The following ZCWPW2 variants were observed in gnomAD, a reference collection of about 807,000 sequenced individuals.
ZCWPW2 encodes the protein zinc finger CW-type and PWWP domain containing 2, also known as zinc finger CW-type PWWP domain protein 2.
ZCWPW2 carries 45 observed loss-of-function variants against 46.6 expected under a neutral mutation model. The observed-to-expected ratio is 0.96, with a 90% CI of 0.76 to 1.24. ZCWPW2 has a LOEUF of 1.24. ZCWPW2 is among the 50% of genes most tolerant of loss of function. The pLI, the probability that ZCWPW2 is intolerant of heterozygous loss-of-function variation, is 0.00. For missense variants in ZCWPW2, 429 were observed against 403.9 expected (o/e 1.06, Z -0.53); for synonymous variants, 152 against 137.1 (o/e 1.11, Z -0.76).
chr3:28,401,927 G>A (rs1695957648), intron 2 of ZCWPW2, among the ~76,000 whole-genome samples: 1 of 151,852 alleles, frequency 6.6e-6, no homozygotes, highest in African/African-American at 2.4e-5. Context: ...CAAAGGCAGT[G>A]CTAAGAGGAA....
intron 5 of ZCWPW2, among the ~76,000 whole-genome samples, chr3:28,488,444 G>T (rs1699682388): frequency 6.6e-6 from 1 of 152,084 alleles, no homozygotes; most frequent in African/African-American, 2.4e-5. Flanking sequence ...AAACTGGACT[G>T]TCCTCTATGT....
intron 1 of ZCWPW2, among the ~76,000 whole-genome samples, chr3:28,366,143 C>T (rs1414156803): frequency 5.9e-4 from 87 of 147,146 alleles, no homozygotes; most frequent in African/African-American, 2.1e-3. Context: ...ATTTCCTTCT[C>T]CTGCCTGATT....
At chr3:28,437,850 A>G (rs896588411) in intron 4 of ZCWPW2, among the ~76,000 whole-genome samples, 1 of 152,208 alleles carries the variant, frequency 6.6e-6, no homozygotes, top group African/African-American at 2.4e-5. Flanking sequence ...TTCTGGGAAG[A>G]TGGTAGAGTA....
At chr3:28,446,683 A>G (rs1181814036) in intron 4 of ZCWPW2, among the ~76,000 whole-genome samples, 1 of 152,114 alleles carries the variant, frequency 6.6e-6, no homozygotes, top group Non-Finnish European at 1.5e-5. Flanking sequence ...AGCAGAGATA[A>G]GATATATAAT....
At chr3:28,456,380 G>A (rs1698423439) in intron 4 of ZCWPW2, among the ~76,000 whole-genome samples, 1 of 152,184 alleles carries the variant, frequency 6.6e-6, no homozygotes, top group Non-Finnish European at 1.5e-5. Context: ...CTTCTGGGCT[G>A]AGATGATGGG....
intron 4 of ZCWPW2, among the ~76,000 whole-genome samples, chr3:28,447,156 A>G (rs1045306820): frequency 6.6e-6 from 1 of 152,134 alleles, no homozygotes; most frequent in Admixed American, 6.6e-5. Flanking sequence ...AACTCATTCT[A>G]TAAGGCCAGC....
chr3:28,430,174 G>A (rs908415582), intron 3 of ZCWPW2, among the ~76,000 whole-genome samples: 7 of 152,228 alleles, frequency 4.6e-5, no homozygotes, highest in African/African-American at 1.7e-4. Flanking sequence ...AAAGCAACTG[G>A]GAGTGGGACT....
intron 6 of ZCWPW2, among the ~76,000 whole-genome samples, chr3:28,492,659 A>C (rs1367849419): frequency 2.6e-5 from 4 of 152,092 alleles, no homozygotes; most frequent in Admixed American, 1.3e-4. Flanking sequence ...GAATTATTAC[A>C]ATTTAATACA....
chr3:28,503,253 A>G (rs915541608), intron 6 of ZCWPW2, among the ~76,000 whole-genome samples: 6 of 152,298 alleles, frequency 3.9e-5, no homozygotes, highest in African/African-American at 1.4e-4. Context: ...TTCCTCAAGT[A>G]CCAGTTATCA....
chr3:28,516,756 T>C (rs1262794276), intron 8 of ZCWPW2, among the ~76,000 whole-genome samples: 1 of 151,870 alleles, frequency 6.6e-6, no homozygotes, highest in Non-Finnish European at 1.5e-5. Flanking sequence ...CCTGTAATCC[T>C]AGCACCTTGG....
chr3:28,509,319 T>G (rs567920454), intron 6 of ZCWPW2, among the ~76,000 whole-genome samples: 1 of 152,300 alleles, frequency 6.6e-6, no homozygotes, highest in East Asian at 1.9e-4. Flanking sequence ...GGGAATATGC[T>G]TCTATTTTTC....
chr3:28,502,916 G>A (rs1229361227), intron 6 of ZCWPW2, among the ~76,000 whole-genome samples: 1 of 152,104 alleles, frequency 6.6e-6, no homozygotes, highest in Non-Finnish European at 1.5e-5. Flanking sequence ...ATCTATCTGT[G>A]ATTTTCTCTA....
chr3:28,448,630 C>T (rs768194777), intron 4 of ZCWPW2, among the ~76,000 whole-genome samples: 2 of 151,080 alleles, frequency 1.3e-5, no homozygotes, highest in Non-Finnish European at 3.0e-5. Context: ...ACTAAAAATA[C>T]AAAAATTAGC....
chr3:28,406,912 C>T (rs1300005220), intron 2 of ZCWPW2, among the ~76,000 whole-genome samples: 7 of 151,308 alleles, frequency 4.6e-5, no homozygotes, highest in Non-Finnish European at 8.8e-5. Context: ...ACTGCAGCTT[C>T]CAACTCCTGA....
At chr3:28,436,598 A>G (rs192253252) in intron 4 of ZCWPW2, among the ~76,000 whole-genome samples, 22 of 152,292 alleles carry the variant, frequency 1.4e-4, no homozygotes, top group African/African-American at 3.8e-4. Context: ...TGGCAAATAT[A>G]TAGTAAAAAC....
intron 5 of ZCWPW2, among the ~76,000 whole-genome samples, chr3:28,488,183 C>G (rs776512807): frequency 6.6e-6 from 1 of 152,124 alleles, no homozygotes; most frequent in Non-Finnish European, 1.5e-5. Context: ...CTTGTTCCCA[C>G]AGAGCTTCTA....
intron 9 of ZCWPW2, among the ~76,000 whole-genome samples, chr3:28,522,478 A>G (rs1700749067): frequency 6.6e-6 from 1 of 152,192 alleles, no homozygotes; most frequent in Admixed American, 6.5e-5. Context: ...ATGGATTTAT[A>G]AATGGACAAA....
chr3:28,508,753 C>A (rs1203253469), intron 6 of ZCWPW2, among the ~76,000 whole-genome samples: 3 of 152,128 alleles, frequency 2.0e-5, no homozygotes, highest in Non-Finnish European at 2.9e-5. Flanking sequence ...GTCTTGAACT[C>A]CTGACCTCAA....
chr3:28,349,685 A>C (rs1389584846), intron 1 of ZCWPW2, among the ~76,000 whole-genome samples: 1 of 152,250 alleles, frequency 6.6e-6, no homozygotes, highest in African/African-American at 2.4e-5. Flanking sequence ...GGTCGCAGCC[A>C]GGTGGAACCC....
Sources: gnomAD v4.1 joint callset for allele counts (sites outside exome capture counted in the v4.1 genomes callset) on GRCh38, gnomAD v4.1.1 for gene constraint, MANE v1.5 for transcripts, NCBI Gene and HGNC (gene_info 2026-07-23, HGNC 2026-07-21) for gene names.